The following SH3PXD2A variants were observed in gnomAD, a reference collection of about 807,000 sequenced individuals.
SH3PXD2A encodes SH3 and PX domain-containing protein 2A.
Under a neutral mutation model 115.2 loss-of-function variants are expected in SH3PXD2A, and 32 were observed. The ratio of observed to expected loss-of-function variants is 0.28; its 90% CI spans 0.21 to 0.37. SH3PXD2A has a LOEUF of 0.37. Ranked by LOEUF, SH3PXD2A falls within the 10% of genes least tolerant of loss-of-function variation. The pLI, the probability that SH3PXD2A is intolerant of heterozygous loss-of-function variation, is 1.00. For missense variants in SH3PXD2A, 1,328 were observed against 1,498.7 expected, an observed-to-expected ratio of 0.89 and a Z score of 1.88; for synonymous variants, 610 against 629.1, an observed-to-expected ratio of 0.97 and a Z score of 0.45.
chr10:103,777,535 G>A lies in SH3PXD2A; in HGVS notation c.154-10366C>T, dbSNP rs549593793. 2.8e-4 allele frequency among the ~76,000 whole-genome samples: 43 copies of A among 152,350 alleles called. 1 individual carries two copies. The highest frequency in any genetic ancestry group is 2.5e-3 in the Admixed American group (39 of 15,302). The stretch of plus-strand genomic sequence containing the variant: ...GACATTTAACATGCTAGGCCTGGGC[G>A]GATAGCCCGACACCTGCAGTGAGAT... On this transcript the variant is annotated intron_variant, in intron 2 of 14. Transcript: ENST00000369774.
chr10:103,822,468 C>G (rs2039390848), intron 1 of SH3PXD2A, among the ~76,000 whole-genome samples: 1 of 152,246 alleles, frequency 6.6e-6, no homozygotes, highest in African/African-American at 2.4e-5. Flanking sequence ...GCCCCCCATT[C>G]CCTAAATCTA....
intron 5 of SH3PXD2A, among the ~76,000 whole-genome samples, chr10:103,711,811 T>C (rs1432762776): frequency 6.6e-6 from 1 of 152,122 alleles, no homozygotes; most frequent in Non-Finnish European, 1.5e-5. Flanking sequence ...TCCTGGCACG[T>C]TGGGAAGCCG....
At chr10:103,699,533 C>A (rs1156613440) in intron 5 of SH3PXD2A, among the ~76,000 whole-genome samples, 1 of 152,174 alleles carries the variant, frequency 6.6e-6, no homozygotes, top group Non-Finnish European at 1.5e-5. Flanking sequence ...GCATGTTCTT[C>A]CAGAAACCAA....
intron 4 of SH3PXD2A, among the ~76,000 whole-genome samples, chr10:103,735,244 C>A (rs2038366583): frequency 1.3e-5 from 2 of 152,200 alleles, no homozygotes; most frequent in South Asian, 4.1e-4. Flanking sequence ...TGTGTGAACA[C>A]CTGCATCTGT....
At chr10:103,803,071 G>A (rs1025541930) in intron 1 of SH3PXD2A, among the ~76,000 whole-genome samples, 2 of 152,198 alleles carry the variant, frequency 1.3e-5, no homozygotes, top group Non-Finnish European at 2.9e-5. Context: ...TGGCTGCTCC[G>A]GTGATACACA....
intron 2 of SH3PXD2A, among the ~76,000 whole-genome samples, chr10:103,787,464 T>TCCCAACAG (rs1435488406): frequency 1.3e-5 from 2 of 152,238 alleles, no homozygotes; most frequent in African/African-American, 4.8e-5. Context: ...TCTGTCTTGG[T>TCCCAACAG]CCCCACCCTG....
At chr10:103,721,019 G>A (rs1229949441) in intron 5 of SH3PXD2A, among the ~76,000 whole-genome samples, 2 of 152,236 alleles carry the variant, frequency 1.3e-5, no homozygotes, top group Non-Finnish European at 2.9e-5. Flanking sequence ...CCAGACCAGT[G>A]GTGAACTGGC....
rs533906600 is a variant in SH3PXD2A, at chr10:103,739,314, G to A, written c.230-3506C>T. Among the ~76,000 whole-genome samples the A allele has an allele frequency of 5.9e-5, 9 of 152,350 alleles. No individual in the cohort carries two copies. In the East Asian group the frequency reaches 1.7e-3, roughly 29 times the overall value. On this transcript the variant is annotated intron_variant, in intron 3 of 14. Coordinates refer to ENST00000369774, the MANE Select transcript of SH3PXD2A (RefSeq NM_001394015.1). ...TCCTGGATCTGCTGCTCACTTGCAA[G>A]GTCAGAGGAGAATTTCTGCACAAGC...
intron 4 of SH3PXD2A, among the ~76,000 whole-genome samples, chr10:103,731,572 T>C (rs1422475275): frequency 6.6e-6 from 1 of 152,230 alleles, no homozygotes; most frequent in Non-Finnish European, 1.5e-5. Flanking sequence ...TTCTACTATC[T>C]GGGTTCCCCC....
intron 9 of SH3PXD2A, among the ~76,000 whole-genome samples, chr10:103,623,268 G>GCC (rs368108415): frequency 5.0e-4 from 73 of 145,926 alleles, no homozygotes; most frequent in Middle Eastern, 3.5e-3. Flanking sequence ...TGATGACAGG[G>GCC]GCCCCCTCCC....
chr10:103,660,908 G>A, intron 8 of SH3PXD2A, 75 bp downstream of exon 8: 2 of 1,482,364 alleles, frequency 1.3e-6, no homozygotes, highest in South Asian at 1.1e-5. Context: ...TGGGGGAGGA[G>A]GGAGGAACAA....
intron 6 of SH3PXD2A, among the ~76,000 whole-genome samples, chr10:103,672,468 C>T (rs1318893109): frequency 5.9e-5 from 9 of 152,322 alleles, no homozygotes; most frequent in East Asian, 1.9e-4. Context: ...TCCAGAGAAA[C>T]GGACTGTCCT....
Position 103,660,970 on chromosome 10 carries a change from C to T in SH3PXD2A, c.604+13G>A. The T allele has an allele frequency of 6.2e-7, 1 of 1,613,544 alleles. No homozygotes were observed. The highest frequency in any genetic ancestry group is 1.1e-5 in the South Asian group (1 of 91,080). ...CGGAACCCCAGTGGACGGCCATTGG[C>T]CAGGGCACTCACCGCTCTCGTTCTT... On this transcript the variant is annotated intron_variant, in intron 8 of 14. Coordinates refer to ENST00000369774, the MANE Select transcript of SH3PXD2A (RefSeq NM_001394015.1).
Position 103,767,180 on chromosome 10 carries a change from A to G in SH3PXD2A, c.154-11T>C. ...ATCCAAAAGCTGCATCTGAGAAGCC[A>G]GACAGACAGAGGGACAGGATTCAGA... On this transcript the variant is annotated splice_polypyrimidine_tract_variant and intron_variant, in intron 2 of 14. Coordinates refer to ENST00000369774, the MANE Select transcript of SH3PXD2A (RefSeq NM_001394015.1). The G allele has an allele frequency of 6.2e-7, 1 of 1,607,028 alleles. No homozygotes were observed. The highest frequency in any genetic ancestry group is 8.5e-7 in the Non-Finnish European group (1 of 1,173,712).
At chr10:103,723,590 A>C (rs986120115) in intron 5 of SH3PXD2A, among the ~76,000 whole-genome samples, 1 of 152,190 alleles carries the variant, frequency 6.6e-6, no homozygotes, top group Non-Finnish European at 1.5e-5. Context: ...CCAAACATGG[A>C]AACATTAGCC....
At chr10:103,769,134 C>CTG (rs67426639) in intron 2 of SH3PXD2A, among the ~76,000 whole-genome samples, 3,237 of 141,896 alleles carry the variant, frequency 0.023, 35 homozygotes, top group Middle Eastern at 0.039. Flanking sequence ...AGGCTAGACT[C>CTG]TGTGTGTGTG....
intron 8 of SH3PXD2A, among the ~76,000 whole-genome samples, chr10:103,648,688 A>G (rs2037073562): frequency 6.6e-6 from 1 of 152,248 alleles, no homozygotes; most frequent in South Asian, 2.1e-4. Context: ...GACATTCATC[A>G]TATTCTTTCT....
intron 8 of SH3PXD2A, among the ~76,000 whole-genome samples, chr10:103,660,063 T>C (rs1221832624): frequency 6.6e-6 from 1 of 151,962 alleles, no homozygotes; most frequent in Non-Finnish European, 1.5e-5. Context: ...GAGAACAGGC[T>C]CCTCCCCTCT....
At position 103,672,909 on chromosome 10, in the gene SH3PXD2A, T is replaced by C. The variant is rs1264383270; in HGVS notation, c.428-4257A>G. Among the ~76,000 whole-genome samples the C allele has an allele frequency of 2.0e-5, 3 of 152,176 alleles. No individual in the cohort carries two copies. In the East Asian group the frequency reaches 5.8e-4, roughly 29 times the overall value. ...CCTGCCATGGCTGTCCGTCCTGGCA[T>C]TGCTCGCAATACCAGCAAGAAGCCA... is the stretch of plus-strand genomic sequence containing the variant. On this transcript the variant is annotated intron_variant, in intron 6 of 14. Transcript: ENST00000369774.
Sources: allele counts gnomAD v4.1 joint callset (sites outside exome capture counted in the v4.1 genomes callset), GRCh38; gene constraint gnomAD v4.1.1; transcripts MANE v1.5; gene names NCBI Gene and HGNC (gene_info 2026-07-23, HGNC 2026-07-21).